The following GPNMB variants were observed in gnomAD, a reference collection of about 807,000 sequenced individuals.
GPNMB encodes the protein glycoprotein nmb.
Under a neutral mutation model 57.3 loss-of-function variants are expected in GPNMB, and 71 were observed. The observed-to-expected ratio is 1.24, with a 90% CI of 1.02 to 1.51. The LOEUF (loss-of-function observed/expected upper bound fraction) is 1.51. Ranked by LOEUF, GPNMB falls within the 40% of genes most tolerant of loss-of-function variation. The pLI is 0.00. For missense variants in GPNMB, 677 were observed against 691.9 expected (o/e 0.98, Z 0.24); for synonymous variants, 253 against 263.2 (o/e 0.96, Z 0.38).
rs149018898 is a variant in GPNMB at position 23,265,261 on chromosome 7, TC to T, written c.1019-1253del. 8.4e-3 allele frequency among the ~76,000 whole-genome samples: 1,277 copies of T among 152,296 alleles called. 16 individuals are homozygous for T. Among genetic ancestry groups the T allele is most frequent in the African/African-American group, 0.029 (1,212 of 41,554 alleles). ...GATTCTGAGAAGCCCTGGGGAAATC[TC>T]CCAGCCTGCTTCACTCACATGTCAC... On this transcript the variant is annotated intron_variant, in intron 6 of 10. Coordinates refer to ENST00000258733, the MANE Select transcript of GPNMB (RefSeq NM_002510.3).
intron 9 of GPNMB, among the ~76,000 whole-genome samples, chr7:23,271,791 A>G (rs974797111): frequency 8.5e-5 from 13 of 152,108 alleles, no homozygotes; most frequent in East Asian, 1.9e-4. Flanking sequence ...GTGAGACTCC[A>G]TCTCAAACAA....
intron 4 of GPNMB, 23 bp from the exon 5 acceptor site, chr7:23,259,957 T>C: frequency 1.2e-6 from 2 of 1,612,144 alleles, no homozygotes; most frequent in Admixed American, 1.7e-5. Context: ...AGCCAATAAC[T>C]AAAAATTTCC....
chr7:23,252,302 G>A (rs1583814799), intron 1 of GPNMB, among the ~76,000 whole-genome samples: 3 of 152,204 alleles, frequency 2.0e-5, no homozygotes, highest in Admixed American at 6.5e-5. Context: ...GAGATTGCCA[G>A]ACTGGATTTT....
At position 23,274,652 on chromosome 7, in the gene GPNMB, C is replaced by T. The variant is rs1444882344; in HGVS notation, c.*428C>T. On this transcript the variant is annotated 3_prime_UTR_variant, in exon 11 of 11. Coordinates refer to ENST00000258733, the MANE Select transcript of GPNMB (RefSeq NM_002510.3). Reference sequence around the variant, plus strand: ...TAGTCCAGTTTCTAAGATCATGTTCCAAGCTAACTGAATCCCACTTCAATA... The same window carrying T: ...TAGTCCAGTTTCTAAGATCATGTTCTAAGCTAACTGAATCCCACTTCAATA... 6.4e-6 allele frequency: 1 copy of T among 156,546 alleles called. No individual in the cohort carries two copies. Among genetic ancestry groups the T allele is most frequent in the African/African-American group, 2.4e-5 (1 of 41,458 alleles). 9.7% of individuals were successfully genotyped at this position (156,546 alleles called of 1,614,324 possible).
At chr7:23,266,816 C>A (rs1419305465) in intron 7 of GPNMB, among the ~76,000 whole-genome samples, 1 of 152,226 alleles carries the variant, frequency 6.6e-6, no homozygotes, top group Non-Finnish European at 1.5e-5. Flanking sequence ...CTTCCACATC[C>A]TGGTGGAAAC....
At position 23,260,471 on chromosome 7, in the gene GPNMB, TTG is replaced by T. The variant is rs747723062; in HGVS notation, c.719_720del (p.Val240AspfsTer24). ...TATCTTTTAGATCAGATTCCTGTGT[TTG>T]TGACTATGTTCCAGAAGAACGATCG... On this transcript the variant is annotated frameshift_variant, in exon 6 of 11. Transcript: ENST00000258733. LOFTEE classifies it high-confidence loss of function. 4 of 1,612,212 alleles carry T rather than the reference TTG, an allele frequency of 2.5e-6. No individual in the cohort carries two copies. The East Asian group carries it at 8.9e-5, about 36-fold the overall frequency.
Position 23,270,036 on chromosome 7 carries a change from C to G in GPNMB, c.1290C>G (p.Ser430Arg), listed in dbSNP as rs201324416. 662 of 1,613,936 alleles carry G rather than the reference C, an allele frequency of 4.1e-4. 2 individuals are homozygous for G. The highest frequency in any genetic ancestry group is 3.8e-3 in the Middle Eastern group (23 of 6,062). Residue 430 changes from serine (S) to arginine (R), a missense_variant, in exon 9 of 11, where the codon AGC (serine) becomes AGG (arginine). By Grantham distance (110) the Ser-to-Arg change is moderately radical (BLOSUM62 -1). Coordinates refer to ENST00000258733, the MANE Select transcript of GPNMB (RefSeq NM_002510.3). ...TCEITQNTVC[S>R]PVDVDEMCLL... ...AGATCACCCAGAACACAGTCTGCAG[C>G]CCTGTGGATGTGGATGAGATGTGTC...
chr7:23,267,764 G>A (rs1314566088), intron 7 of GPNMB, 122 bp from the exon 8 acceptor site: 1 of 742,058 alleles, frequency 1.3e-6, no homozygotes, highest in Admixed American at 1.9e-5. Flanking sequence ...TATCACCTTG[G>A]GGGTTTCAAC....
At chr7:23,264,874 T>C (rs1783021483) in intron 6 of GPNMB, among the ~76,000 whole-genome samples, 1 of 152,210 alleles carries the variant, frequency 6.6e-6, no homozygotes, top group Admixed American at 6.5e-5. Flanking sequence ...TCAAGAACTT[T>C]CAAAAGAAGA....
chr7:23,255,055 G>C (rs1002488683), intron 3 of GPNMB, among the ~76,000 whole-genome samples: 1 of 152,152 alleles, frequency 6.6e-6, no homozygotes, highest in African/African-American at 2.4e-5. Flanking sequence ...GTCTTGCCTT[G>C]TCACCCAGGC....
intron 4 of GPNMB, 101 bp from the exon 5 acceptor site, chr7:23,259,879 T>G (rs1177515975): frequency 1.8e-6 from 2 of 1,111,924 alleles, no homozygotes; most frequent in East Asian, 2.4e-5. Context: ...TTTTCCCTCC[T>G]CAGAGCAATC....
At chr7:23,265,019 A>C (rs1783024081) in intron 6 of GPNMB, among the ~76,000 whole-genome samples, 2 of 152,338 alleles carry the variant, frequency 1.3e-5, no homozygotes, top group Admixed American at 1.3e-4. Flanking sequence ...GACTAATATG[A>C]AACTCAAGGG....
chr7:23,255,149 G>A (rs1192576954), intron 3 of GPNMB, among the ~76,000 whole-genome samples: 1 of 152,150 alleles, frequency 6.6e-6, no homozygotes, highest in Non-Finnish European at 1.5e-5. Context: ...CTCCCAAGTA[G>A]CTGGGATTAC....
rs1267639103 is a variant in GPNMB at position 23,274,117 on chromosome 7, A to C, written c.1576A>C (p.Ser526Arg). Residue 526 changes from serine (S) to arginine (R), a missense_variant, in exon 11 of 11, where the codon AGC (serine) becomes CGC (arginine). Ser to Arg is a moderately radical substitution (Grantham distance 110). Coordinates refer to ENST00000258733, the MANE Select transcript of GPNMB (RefSeq NM_002510.3). Reference sequence around the variant, plus strand: ...AAATAGTCCTGGGAATGTGGTCAGAAGCAAAGGCCTGAGTGTCTTTCTCAA... The same window carrying C: ...AAATAGTCCTGGGAATGTGGTCAGACGCAAAGGCCTGAGTGTCTTTCTCAA... ...IENSPGNVVR[S>R]KGLSVFLNRA... 9 of 1,613,368 alleles carry C rather than the reference A, an allele frequency of 5.6e-6. No homozygotes were observed. The highest frequency in any genetic ancestry group is 7.6e-6 in the Non-Finnish European group (9 of 1,179,270).
chr7:23,270,224 T>C, intron 9 of GPNMB, 49 bp downstream of exon 9: 1 of 1,285,150 alleles, frequency 7.8e-7, no homozygotes, highest in Non-Finnish European at 1.1e-6. Flanking sequence ...GCAAGTAAAG[T>C]GTGTATCCCA....
chr7:23,267,397 T>C (rs1783090941), intron 7 of GPNMB, among the ~76,000 whole-genome samples: 1 of 152,216 alleles, frequency 6.6e-6, no homozygotes, highest in South Asian at 2.1e-4. Context: ...GCAAGAGGGC[T>C]GTCTTCCTTT....
chr7:23,273,053 T>G (rs1204509622), intron 9 of GPNMB: 1 of 152,660 alleles, frequency 6.6e-6, no homozygotes, highest in East Asian at 1.9e-4. Context: ...ATGTTGCCTC[T>G]GCCTCCCAAA....
At chr7:23,269,415 T>A (rs1025224118) in intron 8 of GPNMB, among the ~76,000 whole-genome samples, 7 of 151,822 alleles carry the variant, frequency 4.6e-5, no homozygotes, top group African/African-American at 1.7e-4. Context: ...AAAAAACTAT[T>A]GAGAGGAATA....
chr7:23,251,806 T>C (rs1229314880), intron 1 of GPNMB, among the ~76,000 whole-genome samples: 1 of 152,230 alleles, frequency 6.6e-6, no homozygotes, highest in African/African-American at 2.4e-5. Flanking sequence ...TCAAATCATC[T>C]ATCTGCTCCT....
Sources: allele counts gnomAD v4.1 joint callset (sites outside exome capture counted in the v4.1 genomes callset), GRCh38; gene constraint gnomAD v4.1.1; transcripts MANE v1.5; gene names NCBI Gene and HGNC (gene_info 2026-07-23, HGNC 2026-07-21).